The following TBL1XR1 variants were observed in gnomAD, a reference collection of about 807,000 sequenced individuals.
TBL1XR1 encodes F-box-like/WD repeat-containing protein TBL1XR1.
TBL1XR1 carries 5 observed loss-of-function variants against 66.9 expected under a neutral mutation model. The ratio of observed to expected loss-of-function variants is 0.07; its 90% CI spans 0.04 to 0.16. TBL1XR1 has a LOEUF of 0.16. Among genes scored for constraint, TBL1XR1 ranks in the 10% least tolerant of loss-of-function variants. The pLI is 1.00. For synonymous variants in TBL1XR1, 210 were observed against 206.0 expected (o/e 1.02, Z -0.17); for missense variants, 238 against 623.2 (o/e 0.38, Z 6.58).
chr3:177,046,259 C>T, intron 9 of TBL1XR1, 70 bp from the exon 10 acceptor site: 1 of 1,116,634 alleles, frequency 9.0e-7, no homozygotes, highest in Middle Eastern at 2.1e-4. Context: ...AAGTATATGC[C>T]TAACTGTATT....
intron 1 of TBL1XR1, among the ~76,000 whole-genome samples, chr3:177,126,390 T>C (rs1727636867): frequency 6.6e-6 from 1 of 152,236 alleles, no homozygotes; most frequent in Non-Finnish European, 1.5e-5. Context: ...AATAATCCAA[T>C]CATTTGTTAA....
At chr3:177,115,628 C>T (rs1414817209) in intron 1 of TBL1XR1, among the ~76,000 whole-genome samples, 1 of 152,142 alleles carries the variant, frequency 6.6e-6, no homozygotes, top group Admixed American at 6.5e-5. Context: ...CCACTCTTTC[C>T]CCGCAACTTT....
chr3:177,114,821 T>G (rs1397257005), intron 1 of TBL1XR1, among the ~76,000 whole-genome samples: 3 of 150,166 alleles, frequency 2.0e-5, no homozygotes, highest in South Asian at 2.1e-4. Flanking sequence ...ATAAAAAAAA[T>G]GTTAAAAATT....
At chr3:177,166,814 T>C (rs1030578431) in intron 1 of TBL1XR1, among the ~76,000 whole-genome samples, 1 of 152,182 alleles carries the variant, frequency 6.6e-6, no homozygotes, top group African/African-American at 2.4e-5. Context: ...TACACACCTA[T>C]TAGAATGGTC....
At chr3:177,128,152 G>A (rs949841633) in intron 1 of TBL1XR1, among the ~76,000 whole-genome samples, 2 of 152,040 alleles carry the variant, frequency 1.3e-5, no homozygotes, top group African/African-American at 2.4e-5. Flanking sequence ...CCAGGAGGTG[G>A]AGGCTGCAGT....
At chr3:177,080,595 T>C (rs1362044959) in intron 2 of TBL1XR1, among the ~76,000 whole-genome samples, 8 of 152,212 alleles carry the variant, frequency 5.3e-5, no homozygotes, top group Non-Finnish European at 1.2e-4. Context: ...TGGCTTCTCC[T>C]TCTGACAATA....
At chr3:177,044,104 T>C (rs991348032) in intron 10 of TBL1XR1, among the ~76,000 whole-genome samples, 40 of 152,286 alleles carry the variant, frequency 2.6e-4, no homozygotes, top group African/African-American at 9.1e-4. Context: ...GCCTCCAAGG[T>C]CATAAATCAT....
chr3:177,148,443 C>T (rs1411267161), intron 1 of TBL1XR1, among the ~76,000 whole-genome samples: 1 of 152,182 alleles, frequency 6.6e-6, no homozygotes, highest in African/African-American at 2.4e-5. Flanking sequence ...CTCTCAGGCA[C>T]AGTGGCTCAC....
At chr3:177,094,731 C>T (rs1332681693) in intron 2 of TBL1XR1, among the ~76,000 whole-genome samples, 6 of 152,146 alleles carry the variant, frequency 3.9e-5, no homozygotes, top group Non-Finnish European at 7.4e-5. Context: ...AAAACCATAA[C>T]GTTGCATGTT....
At chr3:177,146,364 G>T (rs967400844) in intron 1 of TBL1XR1, among the ~76,000 whole-genome samples, 28 of 151,862 alleles carry the variant, frequency 1.8e-4, no homozygotes, top group Admixed American at 2.6e-4. Context: ...TCGGCTCACT[G>T]CAACCTTTGC....
chr3:177,169,514 C>A (rs1295001209), intron 1 of TBL1XR1, among the ~76,000 whole-genome samples: 2 of 152,136 alleles, frequency 1.3e-5, no homozygotes, highest in African/African-American at 4.8e-5. Context: ...AATAATGCTA[C>A]CATATTAGAA....
intron 1 of TBL1XR1, among the ~76,000 whole-genome samples, chr3:177,188,757 CTA>C (rs772703650): frequency 6.6e-6 from 1 of 152,200 alleles, no homozygotes; most frequent in Non-Finnish European, 1.5e-5. Flanking sequence ...TCTGGGTACT[CTA>C]TGTTTACCAA....
intron 1 of TBL1XR1, among the ~76,000 whole-genome samples, chr3:177,123,621 T>C (rs1027681727): frequency 1.3e-5 from 2 of 152,064 alleles, no homozygotes; most frequent in Non-Finnish European, 1.5e-5. Flanking sequence ...TTTCAGAGCA[T>C]TATAGCTAAA....
intron 1 of TBL1XR1, among the ~76,000 whole-genome samples, chr3:177,099,878 T>G (rs1256708288): frequency 1.3e-5 from 2 of 152,260 alleles, no homozygotes; most frequent in Non-Finnish European, 2.9e-5. Flanking sequence ...TCACAAAACT[T>G]TTTGGCATAC....
intron 2 of TBL1XR1, among the ~76,000 whole-genome samples, chr3:177,081,237 T>C (rs1016517903): frequency 2.0e-5 from 3 of 152,244 alleles, no homozygotes; most frequent in Admixed American, 6.5e-5. Flanking sequence ...GGATGTAATA[T>C]CAATGTGTCT....
chr3:177,074,825 AT>A (rs1191448639), intron 2 of TBL1XR1, among the ~76,000 whole-genome samples: 1 of 152,194 alleles, frequency 6.6e-6, no homozygotes, highest in East Asian at 1.9e-4. Context: ...ACATAAATAC[AT>A]TTTAACTCAA....
intron 1 of TBL1XR1, among the ~76,000 whole-genome samples, chr3:177,103,615 A>G (rs1203754312): frequency 6.6e-6 from 1 of 152,200 alleles, no homozygotes; most frequent in East Asian, 1.9e-4. Flanking sequence ...TGCAGTCTCT[A>G]GAAGTAAATT....
At position 177,050,203 on chromosome 3, in the gene TBL1XR1, T is replaced by C. The variant is rs552475511; in HGVS notation, c.561-65A>G. 2.8e-5 allele frequency: 43 copies of C among 1,530,844 alleles called. No individual in the cohort carries two copies. The South Asian group carries it at 4.9e-4, about 18-fold the overall frequency. The allele number at this position is 1,530,844 out of a possible 1,614,324, so 94.8% of individuals were successfully genotyped here. A position where few individuals can be genotyped will look rare whatever the true frequency, so the allele number is the denominator to read the frequency against. On this transcript the variant is annotated intron_variant, in intron 6 of 15. Transcript: ENST00000457928. ...TCTCACGTATCAGAACAAGGCAACA[T>C]ATTTACATCTGAATATTAATAAGGC...
intron 1 of TBL1XR1, among the ~76,000 whole-genome samples, chr3:177,135,877 G>A (rs1728935443): frequency 1.3e-5 from 2 of 151,674 alleles, no homozygotes; most frequent in Admixed American, 1.3e-4. Context: ...CACTCTGGAG[G>A]TTAATCCCAG....
Sources: gnomAD v4.1 joint callset for allele counts (sites outside exome capture counted in the v4.1 genomes callset) on GRCh38, gnomAD v4.1.1 for gene constraint, MANE v1.5 for transcripts, NCBI Gene and HGNC (gene_info 2026-07-23, HGNC 2026-07-21) for gene names.